Variants in ANKEF1 observed in about 807,000 individuals in gnomAD.
The protein encoded by ANKEF1 is ankyrin repeat and EF-hand domain-containing protein 1.
In ANKEF1, 43 loss-of-function variants were observed where a neutral mutation model predicts 65.1. The ratio of observed to expected loss-of-function variants is 0.66; its 90% CI spans 0.52 to 0.85. ANKEF1 has a LOEUF of 0.85. Ranked by LOEUF, ANKEF1 falls within the 40% of genes least tolerant of loss-of-function variation. ANKEF1 has a pLI of 0.00. For missense variants in ANKEF1, 934 were observed against 952.9 expected (o/e 0.98, Z 0.26); for synonymous variants, 316 against 341.5 (o/e 0.93, Z 0.82).
rs201973715 is a variant in ANKEF1 at position 10,049,956 on chromosome 20, A to G, written c.1387A>G (p.Thr463Ala). Residue 463 changes from threonine to alanine, a missense_variant, in exon 7 of 11, where the codon ACT becomes GCT. By Grantham distance (58) the Thr-to-Ala change is moderately conservative (BLOSUM62 0). Transcript: ENST00000378392. The part of the protein sequence containing the change: ...YYMIETYKNV[T>A]DSSRFNRDHP... ...CATGATTGAGACCTACAAGAATGTC[A>G]CTGATAGCAGCCGGTTTAATAGAGA... 1.2e-5 allele frequency: 19 copies of G among 1,614,200 alleles called. No individual in the cohort carries two copies. The highest frequency in any genetic ancestry group is 1.6e-5 in the Non-Finnish European group (19 of 1,180,024).
chr20:10,041,964 G>T (rs1984219485), intron 3 of ANKEF1, among the ~76,000 whole-genome samples: 2 of 152,154 alleles, frequency 1.3e-5, no homozygotes, highest in African/African-American at 2.4e-5. Context: ...CCAAGTTATA[G>T]TGTAGAGATC....
intron 3 of ANKEF1, among the ~76,000 whole-genome samples, chr20:10,041,148 A>G (rs754128521): frequency 6.6e-6 from 1 of 151,864 alleles, no homozygotes; most frequent in Non-Finnish European, 1.5e-5. Context: ...TGTGAAGGCA[A>G]AATATATCTA....
intron 6 of ANKEF1, among the ~76,000 whole-genome samples, chr20:10,047,228 C>A (rs1378190626): frequency 6.6e-6 from 1 of 152,140 alleles, no homozygotes; most frequent in African/African-American, 2.4e-5. Context: ...GCAAAAAGGC[C>A]TAACTCAGTG....
At position 10,050,127 on chromosome 20, in the gene ANKEF1, A is replaced by G. The variant is rs1379362465; in HGVS notation, c.1558A>G (p.Met520Val). ...KAFESGIPVD[M>V]KDNYYKTPLM... ...CTTTGAATCAGGAATACCTGTGGAT[A>G]TGAAGGATAATTATTACAAAACTCC... is the stretch of plus-strand genomic sequence containing the variant. The change falls in exon 7 of 11, where the codon ATG (methionine) becomes GTG (valine). Residue 520 changes from methionine (M) to valine (V), a missense_variant. Physicochemically the swap from Met to Val is conservative, Grantham distance 21. Transcript: ENST00000378392. 4.5e-5 allele frequency: 72 copies of G among 1,614,174 alleles called. No homozygotes were observed. Among genetic ancestry groups the G allele is most frequent in the Non-Finnish European group, 5.9e-5 (70 of 1,180,008 alleles).
At position 10,055,706 on chromosome 20, in the gene ANKEF1, C is replaced by A. The variant is rs771126316; in HGVS notation, c.*46C>A. On this transcript the variant is annotated 3_prime_UTR_variant, in exon 11 of 11. Coordinates refer to ENST00000378392, the MANE Select transcript of ANKEF1 (RefSeq NM_022096.6). ...GGGTAAATGCTTTGAGGCCCAGGGACCAATCTTTGGAGAAAGTAGATATTT... is the reference window on the plus strand; with the variant it reads ...GGGTAAATGCTTTGAGGCCCAGGGAACAATCTTTGGAGAAAGTAGATATTT... 6.3e-7 allele frequency: 1 copy of A among 1,599,898 alleles called. No individual in the cohort carries two copies. Among genetic ancestry groups the A allele is most frequent in the South Asian group, 1.1e-5 (1 of 90,530 alleles).
rs751050385 is a variant in ANKEF1, at chr20:10,038,426, A to T, written c.125A>T (p.Tyr42Phe). The change falls in exon 3 of 11, where the codon TAT (tyrosine) becomes TTT (phenylalanine). Residue 42 changes from tyrosine to phenylalanine, a missense_variant. By Grantham distance (22) the Tyr-to-Phe change is conservative (BLOSUM62 3). Coordinates refer to ENST00000378392, the MANE Select transcript of ANKEF1 (RefSeq NM_022096.6). ...TKLGYPELIN[Y>F]TEPINGLSAL... ...CTTGGATACCCTGAACTAATCAATT[A>T]TACAGAACCCATTAATGGACTTAGT... The T allele has an allele frequency of 1.9e-6, 3 of 1,614,176 alleles. No individual in the cohort carries two copies. The highest frequency in any genetic ancestry group is 3.3e-4 in the Middle Eastern group (2 of 6,062).
chr20:10,054,348 C>G lies in ANKEF1; in HGVS notation c.2035-114C>G, dbSNP rs1201278951. ...ATTTTATCTCAAATTATAACTTGTACAGTAGCATTTTTAGGTTTCTTTCTG... is the reference window on the plus strand; with the variant it reads ...ATTTTATCTCAAATTATAACTTGTAGAGTAGCATTTTTAGGTTTCTTTCTG... On this transcript the variant is annotated intron_variant, in intron 9 of 10. Transcript: ENST00000378392. The G allele has an allele frequency of 3.9e-6, 3 of 765,882 alleles. No individual in the cohort carries two copies. In the African/African-American group the frequency reaches 5.6e-5, roughly 14 times the overall value. The allele number at this position is 765,882 out of a possible 1,614,324, so 47.4% of individuals were successfully genotyped here. A position where few individuals can be genotyped will look rare whatever the true frequency, so the allele number is the denominator to read the frequency against.
At chr20:10,048,586 G>A (rs1463408774) in intron 6 of ANKEF1, among the ~76,000 whole-genome samples, 1 of 152,002 alleles carries the variant, frequency 6.6e-6, no homozygotes, top group Non-Finnish European at 1.5e-5. Flanking sequence ...GAAAAACATG[G>A]TCTGACTGCT....
At chr20:10,044,355 G>C (rs117704926) in intron 4 of ANKEF1, 39 bp from the exon 5 acceptor site, 2 of 1,608,436 alleles carry the variant, frequency 1.2e-6, no homozygotes, top group Non-Finnish European at 1.7e-6. Context: ...AATATGATGG[G>C]TATAAACAGC....
rs1985136100 is a variant in ANKEF1 at position 10,056,151 on chromosome 20, A to T, written c.*491A>T. 1 of 153,678 alleles carries T rather than the reference A, an allele frequency of 6.5e-6. No homozygotes were observed. Among genetic ancestry groups the T allele is most frequent in the South Asian group, 2.0e-4 (1 of 4,944 alleles). The allele number at this position is 153,678 out of a possible 1,614,324, so 9.5% of individuals were successfully genotyped here. A position where few individuals can be genotyped will look rare whatever the true frequency, so the allele number is the denominator to read the frequency against. ...GAAGATACATTTCTAGTGGAAATTG[A>T]TGAAACAATTTAGGTTTTGGAAAAA... is the stretch of plus-strand genomic sequence containing the variant. On this transcript the variant is annotated 3_prime_UTR_variant, in exon 11 of 11. Transcript: ENST00000378392.
chr20:10,051,900 A>G lies in ANKEF1; in HGVS notation c.1870+11A>G, dbSNP rs45499296. On this transcript the variant is annotated intron_variant, in intron 8 of 10. Coordinates refer to ENST00000378392, the MANE Select transcript of ANKEF1 (RefSeq NM_022096.6). Reference sequence around the variant, plus strand: ...TGGAAAATAGAAAAGGTATGCGTTCATATTATTGATGATTAGGGTTAGAAA... The same window carrying G: ...TGGAAAATAGAAAAGGTATGCGTTCGTATTATTGATGATTAGGGTTAGAAA... 21 of 1,576,184 alleles carry G rather than the reference A, an allele frequency of 1.3e-5. No homozygotes were observed. The highest frequency in any genetic ancestry group is 1.6e-5 in the Non-Finnish European group (19 of 1,153,834).
At chr20:10,051,435 C>G (rs977494897) in intron 7 of ANKEF1, among the ~76,000 whole-genome samples, 1 of 152,054 alleles carries the variant, frequency 6.6e-6, no homozygotes, top group Non-Finnish European at 1.5e-5. Flanking sequence ...TGATTTTAAC[C>G]TTTGCAAATC....
At position 10,049,992 on chromosome 20, in the gene ANKEF1, G is replaced by T. The variant is rs1388412987; in HGVS notation, c.1423G>T (p.Glu475Ter). 1 of 1,614,112 alleles carries T rather than the reference G, an allele frequency of 6.2e-7. No individual in the cohort carries two copies. Among genetic ancestry groups the T allele is most frequent in the Admixed American group, 1.7e-5 (1 of 60,010 alleles). The change falls in exon 7 of 11, where the codon GAA becomes TAA. Residue 475 changes from glutamate to a stop codon, truncating the protein, a stop_gained. Transcript: ENST00000378392. LOFTEE classifies it high-confidence loss of function. The stretch of plus-strand genomic sequence containing the variant: ...CCGGTTTAATAGAGATCATCCCCCA[G>T]AACATCCCATTCAGGATGACTCTGT... Reference protein sequence around the residue: ...SSRFNRDHPPEHPIQDDSVWY... With the variant: ...SSRFNRDHPP
chr20:10,037,329 A>G (rs1983919838), intron 2 of ANKEF1, among the ~76,000 whole-genome samples: 1 of 152,176 alleles, frequency 6.6e-6, no homozygotes, highest in Non-Finnish European at 1.5e-5. Flanking sequence ...GGCACCCAAG[A>G]GAGCTACCTG....
intron 8 of ANKEF1, among the ~76,000 whole-genome samples, chr20:10,052,866 TA>T (rs748816872): frequency 2.2e-4 from 33 of 148,566 alleles, no homozygotes; most frequent in Middle Eastern, 3.6e-3. Context: ...AGAAACATAG[TA>T]AAAAAAAAAC....
intron 10 of ANKEF1, 136 bp downstream of exon 10, chr20:10,054,735 C>T (rs969778181): frequency 8.8e-6 from 8 of 907,208 alleles, no homozygotes; most frequent in Non-Finnish European, 1.3e-5. Flanking sequence ...TGTTCTTTTG[C>T]CAGGTTCTGG....
rs1232161010 is a variant in ANKEF1, at chr20:10,056,646, G to C, written c.*986G>C. On this transcript the variant is annotated 3_prime_UTR_variant, in exon 11 of 11. Transcript: ENST00000378392. Reference sequence around the variant, plus strand: ...TGCAGGCTGGAAACATGCAGGAGCTGTCCCTGAAGTCCACAAGTGGAATTT... The same window carrying C: ...TGCAGGCTGGAAACATGCAGGAGCTCTCCCTGAAGTCCACAAGTGGAATTT... 6.6e-6 allele frequency: 1 copy of C among 152,094 alleles called. No homozygotes were observed. Among genetic ancestry groups the C allele is most frequent in the South Asian group, 2.1e-4 (1 of 4,806 alleles). The allele number at this position is 152,094 out of a possible 1,614,324, so 9.4% of individuals were successfully genotyped here. A position where few individuals can be genotyped will look rare whatever the true frequency, so the allele number is the denominator to read the frequency against.
In ANKEF1 at chr20:10,038,569, G is replaced by A. The variant is rs771072670; in HGVS notation, c.268G>A (p.Glu90Lys). Residue 90 changes from glutamate (E) to lysine (K), a missense_variant, in exon 3 of 11, where the codon GAA becomes AAA. Coordinates refer to ENST00000378392, the MANE Select transcript of ANKEF1 (RefSeq NM_022096.6). Reference protein sequence around the residue: ...MGCTPTMRAAELGHELSMEIL... With the variant: ...MGCTPTMRAAKLGHELSMEIL... The stretch of plus-strand genomic sequence containing the variant: ...CTGTACTCCCACAATGAGGGCTGCA[G>A]AACTGGGCCATGAATTGTCAATGGA... 2.4e-5 allele frequency: 39 copies of A among 1,614,220 alleles called. No homozygotes were observed. Among genetic ancestry groups the A allele is most frequent in the Non-Finnish European group, 3.3e-5 (39 of 1,180,036 alleles).
Position 10,045,708 on chromosome 20 carries a change from C to T in ANKEF1, c.820+11C>T, listed in dbSNP as rs956664139. Reference sequence around the variant, plus strand: ...ATATAGCTCAGCGAGGTAAAATTGTCTAGCAATTTTGTGCTTCAAGTACTT... The same window carrying T: ...ATATAGCTCAGCGAGGTAAAATTGTTTAGCAATTTTGTGCTTCAAGTACTT... On this transcript the variant is annotated intron_variant, in intron 6 of 10. Coordinates refer to ENST00000378392, the MANE Select transcript of ANKEF1 (RefSeq NM_022096.6). The T allele has an allele frequency of 3.7e-6, 6 of 1,612,998 alleles. No homozygotes were observed. The highest frequency in any genetic ancestry group is 5.1e-6 in the Non-Finnish European group (6 of 1,179,346).
Sources: allele counts gnomAD v4.1 joint callset (sites outside exome capture counted in the v4.1 genomes callset), GRCh38; gene constraint gnomAD v4.1.1; transcripts MANE v1.5; gene names NCBI Gene and HGNC (gene_info 2026-07-23, HGNC 2026-07-21).